The following XRCC5 variants were observed in gnomAD, a reference collection of about 807,000 sequenced individuals.
The protein encoded by XRCC5 is X-ray repair cross complementing 5.
In XRCC5, 12 loss-of-function variants were observed where a neutral mutation model predicts 95.7. The observed-to-expected ratio is 0.13, with a 90% CI of 0.08 to 0.20. The LOEUF (loss-of-function observed/expected upper bound fraction) is 0.20, where lower values mean the gene tolerates loss of function less well. XRCC5 is among the 10% of genes least tolerant of loss of function. XRCC5 has a pLI of 1.00. For synonymous variants in XRCC5, 281 were observed against 290.3 expected (o/e 0.97, Z 0.33); for missense variants, 595 against 873.9 (o/e 0.68, Z 4.02).
Position 216,122,167 on chromosome 2 carries a change from A to G in XRCC5, c.597A>G (p.Glu199=). 6.2e-7 allele frequency: 1 copy of G among 1,614,218 alleles called. No individual in the cohort carries two copies. Among genetic ancestry groups the G allele is most frequent in the Non-Finnish European group, 8.5e-7 (1 of 1,180,016 alleles). Residue 199 remains glutamate, a synonymous_variant, in exon 6 of 21, where the codon GAA becomes GAG. Transcript: ENST00000392132. Reference sequence around the variant, plus strand: ...CCTTTCCACTAAAAGGAATTACCGAACAGCAAAAAGAAGGTCTTGAGATAG... The same window carrying G: ...CCTTTCCACTAAAAGGAATTACCGAGCAGCAAAAAGAAGGTCTTGAGATAG... ...GPSFPLKGIT[E]QQKEGLEIVK...
intron 6 of XRCC5, 31 bp downstream of exon 6, chr2:216,122,284 T>A: frequency 6.4e-7 from 1 of 1,571,550 alleles, no homozygotes; most frequent in Non-Finnish European, 8.6e-7. Flanking sequence ...TGGGAATTTT[T>A]AATTGTACCC....
intron 6 of XRCC5, among the ~76,000 whole-genome samples, chr2:216,124,079 C>T (rs573242061): frequency 2.6e-5 from 4 of 152,268 alleles, no homozygotes; most frequent in Admixed American, 2.0e-4. Context: ...GTCATATTAT[C>T]TGTGTTTGAA....
chr2:216,109,360 T>C lies in XRCC5; in HGVS notation c.-77T>C. 1 of 1,609,164 alleles carries C rather than the reference T, an allele frequency of 6.2e-7. No homozygotes were observed. Among genetic ancestry groups the C allele is most frequent in the Non-Finnish European group, 8.5e-7 (1 of 1,177,558 alleles). ...AGCGGCTCTTTCCGCTATCTGCCGC[T>C]TGTCCACCGGAAGCGAGTTGCGACA... On this transcript the variant is annotated 5_prime_UTR_variant, in exon 1 of 21. Coordinates refer to ENST00000392132, the MANE Select transcript of XRCC5 (RefSeq NM_021141.4).
intron 14 of XRCC5, chr2:216,156,245 C>T: frequency 2.0e-6 from 1 of 489,112 alleles, no homozygotes; most frequent in Admixed American, 2.5e-5. Flanking sequence ...GTTAAGTTTC[C>T]TTTCAGTCAT....
chr2:216,196,042 A>AG (rs960601780), intron 19 of XRCC5, among the ~76,000 whole-genome samples: 1 of 152,190 alleles, frequency 6.6e-6, no homozygotes, highest in Non-Finnish European at 1.5e-5. Context: ...GGAATCTGTT[A>AG]GGGAAGTGAC....
At chr2:216,152,128 G>A (rs1688756412) in intron 14 of XRCC5, among the ~76,000 whole-genome samples, 1 of 152,042 alleles carries the variant, frequency 6.6e-6, no homozygotes, top group Admixed American at 6.6e-5. Context: ...TAAACACCTG[G>A]GGATTACAAT....
At chr2:216,167,968 T>C (rs1689086155) in intron 16 of XRCC5, among the ~76,000 whole-genome samples, 1 of 152,176 alleles carries the variant, frequency 6.6e-6, no homozygotes, top group South Asian at 2.1e-4. Flanking sequence ...ATATCTCACT[T>C]GTTTTTCACT....
intron 17 of XRCC5, among the ~76,000 whole-genome samples, chr2:216,191,393 GATT>G (rs908123595): frequency 1.3e-5 from 2 of 151,602 alleles, no homozygotes; most frequent in African/African-American, 4.8e-5. Flanking sequence ...TTAATGGAGA[GATT>G]ATTATTTTTT....
Position 216,136,555 on chromosome 2 carries a change from A to G in XRCC5, c.1114-533A>G, listed in dbSNP as rs535600699. 5.1e-4 allele frequency among the ~76,000 whole-genome samples: 77 copies of G among 152,220 alleles called. 1 individual carries two copies. The highest frequency in any genetic ancestry group is 4.2e-4 in the South Asian group (2 of 4,810). On this transcript the variant is annotated intron_variant, in intron 10 of 20. Coordinates refer to ENST00000392132, the MANE Select transcript of XRCC5 (RefSeq NM_021141.4). ...TGAAGCCATGAAGGAGAAAGTATAT[A>G]GAGACAGTGGAATGGTGAGATGCTA...
At chr2:216,148,652 G>A (rs532689809) in intron 14 of XRCC5, among the ~76,000 whole-genome samples, 4 of 152,190 alleles carry the variant, frequency 2.6e-5, no homozygotes, top group South Asian at 4.1e-4. Context: ...TTTTTGGGTT[G>A]GGAGGAGATT....
intron 11 of XRCC5, 37 bp from the exon 12 acceptor site, chr2:216,138,052 C>A: frequency 6.6e-7 from 1 of 1,508,852 alleles, no homozygotes; most frequent in South Asian, 1.2e-5. Context: ...TCATTAATTT[C>A]ATCGTTTCTG....
rs1697131290 is a variant in XRCC5 at position 216,138,914 on chromosome 2, G to A, written c.1342+735G>A. Among the ~76,000 whole-genome samples, 2 of 152,138 alleles carry A rather than the reference G, an allele frequency of 1.3e-5. 1 individual carries two copies. The highest frequency in any genetic ancestry group is 4.1e-4 in the South Asian group (2 of 4,830). Reference sequence around the variant, plus strand: ...TTAGGGAATTGTGAGGTGAGTCTCGGAACTCAATTCTTTCTGTTATTTTGG... The same window carrying A: ...TTAGGGAATTGTGAGGTGAGTCTCGAAACTCAATTCTTTCTGTTATTTTGG... On this transcript the variant is annotated intron_variant, in intron 12 of 20. Transcript: ENST00000392132.
At chr2:216,127,714 T>C in intron 8 of XRCC5, 40 bp downstream of exon 8, 2 of 1,551,802 alleles carry the variant, frequency 1.3e-6, no homozygotes, top group Non-Finnish European at 1.7e-6. Flanking sequence ...TAAAAGACAT[T>C]TTCTTCAACA....
chr2:216,127,354 A>G (rs1280693995), intron 7 of XRCC5, among the ~76,000 whole-genome samples, 182 bp from the exon 8 acceptor site: 1 of 152,244 alleles, frequency 6.6e-6, no homozygotes, highest in Non-Finnish European at 1.5e-5. Context: ...AGAGAAGGTT[A>G]TCCAGTATAT....
At chr2:216,159,857 T>C (rs960367009) in intron 14 of XRCC5, among the ~76,000 whole-genome samples, 13 of 152,230 alleles carry the variant, frequency 8.5e-5, no homozygotes, top group African/African-American at 3.1e-4. Context: ...AGTTAGGCCC[T>C]TAGGAGCCCG....
intron 16 of XRCC5, among the ~76,000 whole-genome samples, chr2:216,186,267 C>G (rs939315144): frequency 7.9e-5 from 12 of 152,136 alleles, no homozygotes; most frequent in Non-Finnish European, 1.3e-4. Flanking sequence ...GCACATGGCC[C>G]TGGGTGTTTT....
chr2:216,137,321 A>T, intron 11 of XRCC5, 96 bp downstream of exon 11: 1 of 1,382,768 alleles, frequency 7.2e-7, no homozygotes. Flanking sequence ...TTACTTGGGG[A>T]TCTTGTTAAA....
chr2:216,144,047 A>G (rs1458732676), intron 13 of XRCC5, among the ~76,000 whole-genome samples: 1 of 152,130 alleles, frequency 6.6e-6, no homozygotes, highest in Non-Finnish European at 1.5e-5. Context: ...CCTCTAGAAG[A>G]ATGAGAAAAG....
chr2:216,141,666 T>C (rs1339122961), intron 13 of XRCC5, among the ~76,000 whole-genome samples: 1 of 148,854 alleles, frequency 6.7e-6, no homozygotes, highest in African/African-American at 2.5e-5. Context: ...CTCAAACTCC[T>C]GTGCTCAAGC....
Sources: gnomAD v4.1 joint callset for allele counts (sites outside exome capture counted in the v4.1 genomes callset) on GRCh38, gnomAD v4.1.1 for gene constraint, MANE v1.5 for transcripts, NCBI Gene and HGNC (gene_info 2026-07-23, HGNC 2026-07-21) for gene names.